CCDC171: variants seen among roughly 807,000 people sequenced by gnomAD.
The protein encoded by CCDC171 is coiled-coil domain containing 171, also known as coiled-coil domain-containing protein 171.
In CCDC171, 177 loss-of-function variants were observed where a neutral mutation model predicts 168.2. The observed-to-expected ratio is 1.05, with a 90% CI of 0.93 to 1.19. The LOEUF is 1.19. CCDC171 is among the 50% of genes most tolerant of loss of function. The pLI, the probability that CCDC171 is intolerant of heterozygous loss-of-function variation, is 0.00. For synonymous variants in CCDC171, 687 were observed against 540.8 expected (o/e 1.27, Z -3.75); for missense variants, 1,991 against 1,539.0 (o/e 1.29, Z -4.91).
intron 4 of CCDC171, among the ~76,000 whole-genome samples, chr9:15,582,588 A>C (rs1263029916): frequency 1.3e-5 from 2 of 152,216 alleles, no homozygotes; most frequent in Non-Finnish European, 2.9e-5. Context: ...TACACCATGG[A>C]ATACTATGCA....
At chr9:15,829,899 A>C (rs2060160425) in intron 21 of CCDC171, among the ~76,000 whole-genome samples, 1 of 152,230 alleles carries the variant, frequency 6.6e-6, no homozygotes, top group African/African-American at 2.4e-5. Flanking sequence ...CAGCCTGGAC[A>C]ACAGAGTGAG....
At chr9:15,965,764 T>G (rs1830732299) in intron 25 of CCDC171, among the ~76,000 whole-genome samples, 1 of 152,230 alleles carries the variant, frequency 6.6e-6, no homozygotes, top group Non-Finnish European at 1.5e-5. Flanking sequence ...GGGATTAGTC[T>G]GCCTCCTTTA....
intron 24 of CCDC171, among the ~76,000 whole-genome samples, chr9:15,894,448 A>G (rs1820632645): frequency 6.6e-6 from 1 of 152,068 alleles, no homozygotes; most frequent in Admixed American, 6.6e-5. Flanking sequence ...AAAAAGAAAA[A>G]TATGAGTCAT....
intron 3 of CCDC171, among the ~76,000 whole-genome samples, chr9:15,988,425 C>A (rs954585635): frequency 2.6e-5 from 4 of 152,158 alleles, no homozygotes; most frequent in Non-Finnish European, 5.9e-5. Flanking sequence ...TTAGAAGTTT[C>A]TGTTTCATTT....
rs570478778 is a variant in CCDC171 at position 15,845,835 on chromosome 9, A to G, written c.3268-867A>G. On this transcript the variant is annotated intron_variant, in intron 21 of 25. Transcript: ENST00000380701. Reference sequence around the variant, plus strand: ...TAAGCGATCCTCTGATCCCTGTACTATTTTGTATCCTAGAATTTTAACTGA... The same window carrying G: ...TAAGCGATCCTCTGATCCCTGTACTGTTTTGTATCCTAGAATTTTAACTGA... 1.4e-4 allele frequency: 21 copies of G among 152,180 alleles called. 1 individual carries two copies. The highest frequency in any genetic ancestry group is 3.9e-4 in the African/African-American group (16 of 41,550). 9.4% of individuals were successfully genotyped at this position (152,180 alleles called of 1,614,324 possible).
intron 24 of CCDC171, among the ~76,000 whole-genome samples, chr9:15,907,798 C>T (rs199960007): frequency 1.3e-5 from 2 of 151,604 alleles, no homozygotes; most frequent in African/African-American, 4.8e-5. Flanking sequence ...CCATGAACTC[C>T]AACAAATTTA....
chr9:15,894,083 A>G (rs74949703), intron 24 of CCDC171, among the ~76,000 whole-genome samples: 1 of 152,212 alleles, frequency 6.6e-6, no homozygotes, highest in Non-Finnish European at 1.5e-5. Flanking sequence ...ACACCATGGA[A>G]TACTGTGCAG....
At chr9:16,099,065 A>G in the CCDC171 span, among the ~76,000 whole-genome samples, 2 of 152,242 alleles carry the variant, frequency 1.3e-5, no homozygotes, top group East Asian at 1.9e-4. Context: ...ACTGGTCAAT[A>G]TCAAATCCAG....
In CCDC171 at chr9:15,758,261, G is replaced by A. The variant is rs1021882929; in HGVS notation, c.2671+12630G>A. The stretch of plus-strand genomic sequence containing the variant: ...CCAAGACCATGGGAACCCACTTCTT[G>A]CATCAGCATGACCTGGATATGAGAC... On this transcript the variant is annotated intron_variant, in intron 18 of 25. Coordinates refer to ENST00000380701, the MANE Select transcript of CCDC171 (RefSeq NM_173550.4). Among the ~76,000 whole-genome samples, 3 of 152,320 alleles carry A rather than the reference G, an allele frequency of 2.0e-5. No homozygotes were observed. The South Asian group carries it at 6.2e-4, about 32-fold the overall frequency.
At chr9:15,749,960 A>G (rs559137857) in intron 18 of CCDC171, among the ~76,000 whole-genome samples, 1 of 152,236 alleles carries the variant, frequency 6.6e-6, no homozygotes, top group African/African-American at 2.4e-5. Context: ...AAGACAAGAA[A>G]TGACTATGAT....
rs759641263 is a variant in CCDC171 at position 15,817,390 on chromosome 9, G to A, written c.3268-29312G>A. On this transcript the variant is annotated intron_variant, in intron 21 of 25. Coordinates refer to ENST00000380701, the MANE Select transcript of CCDC171 (RefSeq NM_173550.4). ...TGCAGCAAGCATGAGCCGAAGCAGG[G>A]CGAGGCATTGCGTCACCCGGGAAGC... Among the ~76,000 whole-genome samples, 9 of 118,026 alleles carry A rather than the reference G, an allele frequency of 7.6e-5. 3 individuals are homozygous for A. Among genetic ancestry groups the A allele is most frequent in the Admixed American group, 1.6e-4 (2 of 12,558 alleles). 77.4% of individuals were successfully genotyped at this position (118,026 alleles called of 152,430 possible). A position where few individuals can be genotyped will look rare whatever the true frequency, so the allele number is the denominator to read the frequency against.
intron 20 of CCDC171, among the ~76,000 whole-genome samples, chr9:15,780,169 G>T (rs745524359): frequency 6.6e-6 from 1 of 152,036 alleles, no homozygotes; most frequent in African/African-American, 2.4e-5. Flanking sequence ...ACCTTCAAAG[G>T]GCAAAGAGTT....
intron 21 of CCDC171, among the ~76,000 whole-genome samples, chr9:15,838,843 A>G (rs556533689): frequency 6.6e-6 from 1 of 152,320 alleles, no homozygotes; most frequent in East Asian, 1.9e-4. Flanking sequence ...CAGATGCTGT[A>G]TTATTGAGCT....
rs535888046 is a variant in CCDC171 at position 15,820,812 on chromosome 9, G to A, written c.3268-25890G>A. ...AACTATTACAATTAATGGAAAAAGA[G>A]GGAATCCTCCCTAACTCATTTTATG... On this transcript the variant is annotated intron_variant, in intron 21 of 25. Coordinates refer to ENST00000380701, the MANE Select transcript of CCDC171 (RefSeq NM_173550.4). Among the ~76,000 whole-genome samples, 110 of 116,188 alleles carry A rather than the reference G, an allele frequency of 9.5e-4. 24 individuals are homozygous for A. Among genetic ancestry groups the A allele is most frequent in the African/African-American group, 3.3e-3 (103 of 31,128 alleles). The allele number at this position is 116,188 out of a possible 152,430, so 76.2% of individuals were successfully genotyped here.
intron 25 of CCDC171, among the ~76,000 whole-genome samples, chr9:15,970,495 T>G (rs1019412605): frequency 1.3e-5 from 2 of 152,154 alleles, no homozygotes; most frequent in Admixed American, 6.5e-5. Context: ...TGTGGGAATC[T>G]GGAAAATTAT....
intron 11 of CCDC171, among the ~76,000 whole-genome samples, chr9:15,705,408 C>G (rs548756280): frequency 6.6e-6 from 1 of 152,124 alleles, no homozygotes; most frequent in African/African-American, 2.4e-5. Flanking sequence ...CTTCTTTGGC[C>G]TCACCTCCCA....
exon 6 of CCDC171, chr9:16,022,817 C>A (rs569408603): frequency 6.6e-6 from 1 of 152,218 alleles, no homozygotes; most frequent in East Asian, 1.9e-4. Context: ...TCCCACCAGC[C>A]GAGTCATTTG....
At chr9:15,908,050 G>C (rs1456361743) in intron 24 of CCDC171, among the ~76,000 whole-genome samples, 1 of 151,618 alleles carries the variant, frequency 6.6e-6, no homozygotes, top group Non-Finnish European at 1.5e-5. Flanking sequence ...CTTTTACACT[G>C]TTGGTGGGAC....
intron 3 of CCDC171, among the ~76,000 whole-genome samples, chr9:15,574,353 C>A (rs1338845340): frequency 6.6e-6 from 1 of 151,890 alleles, no homozygotes; most frequent in African/African-American, 2.4e-5. Context: ...CCATCTTGGC[C>A]AGGCTGGTCT....
Sources: gnomAD v4.1 joint callset for allele counts (sites outside exome capture counted in the v4.1 genomes callset) on GRCh38, gnomAD v4.1.1 for gene constraint, MANE v1.5 for transcripts, NCBI Gene and HGNC (gene_info 2026-07-23, HGNC 2026-07-21) for gene names.